The following ADGRL1 variants were observed in gnomAD, a reference collection of about 807,000 sequenced individuals.
ADGRL1 encodes CIRL-1.
Under a neutral mutation model 148.9 loss-of-function variants are expected in ADGRL1, and 31 were observed. That is an observed-to-expected ratio of 0.21 (90% CI 0.16 to 0.28). The LOEUF is 0.28. ADGRL1 is among the 10% of genes least tolerant of loss of function. ADGRL1 has a pLI of 1.00. For missense variants in ADGRL1, 1,521 were observed against 2,058.8 expected (o/e 0.74, Z 5.05); for synonymous variants, 937 against 900.3 (o/e 1.04, Z -0.73).
rs948679164 is a variant in ADGRL1, at chr19:14,162,320, G to A, written c.1195+286C>T. Among the ~76,000 whole-genome samples the A allele has an allele frequency of 1.3e-5, 2 of 152,172 alleles. No individual in the cohort carries two copies. The highest frequency in any genetic ancestry group is 2.9e-5 in the Non-Finnish European group (2 of 68,032). On this transcript the variant is annotated intron_variant, in intron 5 of 22. Transcript: ENST00000361434. This position sits in a 1 kb window ranked among gnomAD's most constrained non-coding sequence, Gnocchi z 5.4. The stretch of plus-strand genomic sequence containing the variant: ...AGAGGCACTGCAGTTCAGTGGTTGG[G>A]AGGCTGGGTTCAAATCCTCAAATAA...
At position 14,149,812 on chromosome 19, in the gene ADGRL1, G is replaced by T. The variant is rs1967976573; in HGVS notation, c.*1061C>A. The stretch of plus-strand genomic sequence containing the variant: ...CGGGGACTGGGGATGCACGTACACG[G>T]AGAAGTCCTGGCTGCCAGGCCAGCA... On this transcript the variant is annotated 3_prime_UTR_variant, in exon 23 of 23. Coordinates refer to ENST00000361434, the MANE Select transcript of ADGRL1 (RefSeq NM_014921.5). 1 of 152,390 alleles carries T rather than the reference G, an allele frequency of 6.6e-6. No homozygotes were observed. Among genetic ancestry groups the T allele is most frequent in the South Asian group, 2.1e-4 (1 of 4,820 alleles). The allele number at this position is 152,390 out of a possible 1,614,324, so 9.4% of individuals were successfully genotyped here.
intron 12 of ADGRL1, 128 bp from the exon 13 acceptor site, chr19:14,158,180 T>G: frequency 8.0e-7 from 1 of 1,242,880 alleles, no homozygotes; most frequent in South Asian, 1.4e-5. Flanking sequence ...GGGGCTCCAG[T>G]TGACATTCTG....
At chr19:14,166,804 G>C (rs919483872) in intron 4 of ADGRL1, among the ~76,000 whole-genome samples, 1 of 152,176 alleles carries the variant, frequency 6.6e-6, no homozygotes, top group Non-Finnish European at 1.5e-5. Context: ...CAAGCTCAGA[G>C]AGGAGCTTCC....
chr19:14,182,881 G>A (rs572182799), intron 2 of ADGRL1, among the ~76,000 whole-genome samples: 61 of 152,326 alleles, frequency 4.0e-4, no homozygotes, highest in Non-Finnish European at 2.1e-4. Flanking sequence ...AGAGTCACCC[G>A]CCAATGCCCT....
intron 1 of ADGRL1, among the ~76,000 whole-genome samples, chr19:14,203,391 G>A (rs1051809924): frequency 3.9e-5 from 6 of 152,112 alleles, no homozygotes; most frequent in Non-Finnish European, 8.8e-5. Context: ...TTCCTCTTGA[G>A]GGGCACCCAC....
chr19:14,152,532 G>A lies in ADGRL1; in HGVS notation c.3505C>T (p.Pro1169Ser). The A allele has an allele frequency of 6.2e-7, 1 of 1,614,090 alleles. No homozygotes were observed. Among genetic ancestry groups the A allele is most frequent in the Non-Finnish European group, 8.5e-7 (1 of 1,179,956 alleles). ...GCCTTCTCACCTCGGTTCAGGGTGG[G>A]GGTGCTGTTGATGTCACCCGCCATG... ...SFMAGDINST[P>S]TLNRGTMGNH... The change falls in exon 20 of 23, where the codon CCC (proline) becomes TCC (serine). Residue 1169 changes from proline to serine, a missense_variant. Transcript: ENST00000361434. The surrounding 1 kb of genome is among the most constrained non-coding windows in gnomAD (Gnocchi z 6.1).
Position 14,157,449 on chromosome 19 carries a change from G to A in ADGRL1, c.2547C>T (p.Arg849=). The A allele has an allele frequency of 6.2e-7, 1 of 1,614,020 alleles. No individual in the cohort carries two copies. The highest frequency in any genetic ancestry group is 8.5e-7 in the Non-Finnish European group (1 of 1,180,018). ...TGACCGACAGCAGCAGCTCGTTGATGCGGCCCTGGTACTGGGGACAGGAAC... is the reference window on the plus strand; with the variant it reads ...TGACCGACAGCAGCAGCTCGTTGATACGGCCCTGGTACTGGGGACAGGAAC... ...LMAHREIYQG[R]INELLLSVIT... The change falls in exon 14 of 23, where the codon CGC becomes CGT. Residue 849 remains arginine (R), a synonymous_variant. Transcript: ENST00000361434. The surrounding 1 kb of genome is among the most constrained non-coding windows in gnomAD (Gnocchi z 7.5).
Position 14,157,434 on chromosome 19 carries a change from C to T in ADGRL1, c.2562G>A (p.Leu854=), listed in dbSNP as rs1422895565. The part of the protein sequence containing the change: ...EIYQGRINEL[L]LSVITWVGIV... The stretch of plus-strand genomic sequence containing the variant: ...TGCCCACCCAGGTGATGACCGACAG[C>T]AGCAGCTCGTTGATGCGGCCCTGGT... Residue 854 remains leucine (L), a synonymous_variant, in exon 14 of 23, where the codon CTG becomes CTA. Transcript: ENST00000361434. This position sits in a 1 kb window ranked among gnomAD's most constrained non-coding sequence, Gnocchi z 7.5. The T allele has an allele frequency of 6.2e-7, 1 of 1,614,128 alleles. No homozygotes were observed. The highest frequency in any genetic ancestry group is 2.2e-5 in the East Asian group (1 of 44,882).
chr19:14,176,142 A>G (rs537557372), intron 3 of ADGRL1, among the ~76,000 whole-genome samples: 2 of 152,138 alleles, frequency 1.3e-5, no homozygotes, highest in South Asian at 4.2e-4. Flanking sequence ...TGAGGTCAAG[A>G]GATCGAGACC....
intron 1 of ADGRL1, among the ~76,000 whole-genome samples, chr19:14,193,496 A>C (rs1667251199): frequency 6.6e-6 from 1 of 151,950 alleles, no homozygotes; most frequent in Admixed American, 6.6e-5. Context: ...CTGAAGGGGG[A>C]GGGTTGCTTG....
In ADGRL1 at chr19:14,150,951, C is replaced by A; in HGVS notation, c.4332G>T (p.Glu1444Asp). 1 of 1,609,250 alleles carries A rather than the reference C, an allele frequency of 6.2e-7. No homozygotes were observed. ...CAAGGCCTGGGGCTGCCAGGTAGCC[C>A]TCGTGGCTAGGACGCCGCACCTGGT... ...GYYQVRRPSH[E>D]GYLAAPGLEG... Residue 1444 changes from glutamate to aspartate, a missense_variant, in exon 23 of 23, where the codon GAG (glutamate) becomes GAT (aspartate). Glu to Asp is a conservative substitution (Grantham distance 45, BLOSUM62 2). Coordinates refer to ENST00000361434, the MANE Select transcript of ADGRL1 (RefSeq NM_014921.5).
At position 14,148,902 on chromosome 19, in the gene ADGRL1, CCCCTTCCCCCCAGTTCCTTCCTAGAG is replaced by C. The variant is rs1222778234; in HGVS notation, c.*1945_*1970del. ...AGGGTCCCTCCAGCCACCTACCTGT[CCCCTTCCCCCCAGTTCCTTCCTAGAG>C]CCCCTCCCCCTTAACCCAACAAAGT... On this transcript the variant is annotated 3_prime_UTR_variant, in exon 23 of 23. Coordinates refer to ENST00000361434, the MANE Select transcript of ADGRL1 (RefSeq NM_014921.5). 2 of 152,812 alleles carry C rather than the reference CCCCTTCCCCCCAGTTCCTTCCTAGAG, an allele frequency of 1.3e-5. No homozygotes were observed. The highest frequency in any genetic ancestry group is 4.8e-5 in the African/African-American group (2 of 41,464). The allele number at this position is 152,812 out of a possible 1,614,324, so 9.5% of individuals were successfully genotyped here. A position where few individuals can be genotyped will look rare whatever the true frequency, so the allele number is the denominator to read the frequency against.
intron 4 of ADGRL1, 87 bp from the exon 5 acceptor site, chr19:14,163,493 A>AGAGG: frequency 1.1e-6 from 1 of 923,750 alleles, no homozygotes. Context: ...AGAGAGAGAG[A>AGAGG]GAGAGGGGGG....
At chr19:14,182,521 C>T (rs1330953047) in intron 2 of ADGRL1, among the ~76,000 whole-genome samples, 3 of 152,178 alleles carry the variant, frequency 2.0e-5, no homozygotes, top group Admixed American at 6.5e-5. Context: ...GGGTGGGTAC[C>T]CCAGGGGTAT....
rs1475940547 is a variant in ADGRL1, at chr19:14,162,942, C to T, written c.859G>A (p.Val287Met). 3.1e-6 allele frequency: 5 copies of T among 1,613,590 alleles called. No individual in the cohort carries two copies. The highest frequency in any genetic ancestry group is 4.2e-6 in the Non-Finnish European group (5 of 1,179,846). Residue 287 changes from valine to methionine, a missense_variant, in exon 5 of 23, where the codon GTG becomes ATG. Around this residue, in one of 8 missense-constraint regions of ADGRL1, gnomAD observed 334 missense variants for 512.5 expected, o/e 0.65. Coordinates refer to ENST00000361434, the MANE Select transcript of ADGRL1 (RefSeq NM_014921.5). The surrounding 1 kb of genome is among the most constrained non-coding windows in gnomAD (Gnocchi z 5.4). ...AGTGTGTAGGGGTTCAGCTGGCTCACCACCAGCCGCCCGTTGTTGCCCTCA... is the reference window on the plus strand; with the variant it reads ...AGTGTGTAGGGGTTCAGCTGGCTCATCACCAGCCGCCCGTTGTTGCCCTCA... ...ATEGNNGRLV[V>M]SQLNPYTLRF... is the part of the protein sequence containing the mutation.
Position 14,160,325 on chromosome 19 carries a change from A to T in ADGRL1, c.1615-28T>A. 1.9e-6 allele frequency: 3 copies of T among 1,570,724 alleles called. No individual in the cohort carries two copies. Among genetic ancestry groups the T allele is most frequent in the Non-Finnish European group, 2.6e-6 (3 of 1,149,862 alleles). Reference sequence around the variant, plus strand: ...GCATGAGGTGGGGGCGGGAAGGGGGAATCCCAGGACTGTCAGGGACCATCC... The same window carrying T: ...GCATGAGGTGGGGGCGGGAAGGGGGTATCCCAGGACTGTCAGGGACCATCC... On this transcript the variant is annotated intron_variant, in intron 7 of 22. Coordinates refer to ENST00000361434, the MANE Select transcript of ADGRL1 (RefSeq NM_014921.5). This position sits in a 1 kb window ranked among gnomAD's most constrained non-coding sequence, Gnocchi z 5.9.
chr19:14,190,823 C>A (rs1971881977), intron 1 of ADGRL1, among the ~76,000 whole-genome samples: 2 of 152,162 alleles, frequency 1.3e-5, no homozygotes, highest in African/African-American at 4.8e-5. Context: ...CGCAGTGGCT[C>A]ACGCCTGTAA....
At chr19:14,151,710 G>C (rs1026440955) in intron 22 of ADGRL1, 95 bp from the exon 23 acceptor site, 2 of 1,248,010 alleles carry the variant, frequency 1.6e-6, no homozygotes, top group African/African-American at 3.0e-5. Flanking sequence ...AAGTGGGCTT[G>C]ATTCCTGCTG....
At chr19:14,188,244 G>A (rs1971708551) in intron 1 of ADGRL1, among the ~76,000 whole-genome samples, 1 of 152,060 alleles carries the variant, frequency 6.6e-6, no homozygotes. Flanking sequence ...CCTGGCCCTG[G>A]TTCCCTCTGC....
Sources: gnomAD v4.1 joint callset for allele counts (sites outside exome capture counted in the v4.1 genomes callset) on GRCh38, gnomAD v4.1.1 for gene constraint, gnomAD v4.1.1 regional missense constraint, Gnocchi (gnomAD v3.1) non-coding constraint, MANE v1.5 for transcripts, NCBI Gene and HGNC (gene_info 2026-07-23, HGNC 2026-07-21) for gene names.